RCAN2: variants seen among roughly 807,000 people sequenced by gnomAD.
RCAN2 encodes the protein regulator of calcineurin 2, also known as calcipressin-2.
In RCAN2, 9 loss-of-function variants were observed where a neutral mutation model predicts 23.6. The ratio of observed to expected loss-of-function variants is 0.38; its 90% CI spans 0.23 to 0.67. The LOEUF (loss-of-function observed/expected upper bound fraction) is 0.67, where lower values mean the gene tolerates loss of function less well. Among genes scored for constraint, RCAN2 ranks in the 30% least tolerant of loss-of-function variants. The pLI, the probability that RCAN2 is intolerant of heterozygous loss-of-function variation, is 0.51. For missense variants in RCAN2, 273 were observed against 302.3 expected, an observed-to-expected ratio of 0.90 and a Z score of 0.72; for synonymous variants, 109 against 115.7, an observed-to-expected ratio of 0.94 and a Z score of 0.37.
intron 2 of RCAN2, among the ~76,000 whole-genome samples, chr6:46,273,365 T>C (rs2150334120): frequency 6.6e-6 from 1 of 152,358 alleles, no homozygotes; most frequent in African/African-American, 2.4e-5. Flanking sequence ...AACATTAACA[T>C]TATGGTGTTT....
intron 2 of RCAN2, among the ~76,000 whole-genome samples, chr6:46,382,776 C>T (rs1765644251): frequency 6.6e-6 from 1 of 152,134 alleles, no homozygotes; most frequent in Admixed American, 6.5e-5. Flanking sequence ...AAAGAATACC[C>T]GCATATGGAA....
chr6:46,228,659 C>T (rs1765766580), intron 4 of RCAN2, among the ~76,000 whole-genome samples: 2 of 152,202 alleles, frequency 1.3e-5, no homozygotes, highest in South Asian at 4.1e-4. Context: ...TATTTTGAGC[C>T]TATGTGTGTC....
chr6:46,227,496 T>C, intron 4 of RCAN2, among the ~76,000 whole-genome samples: 1 of 151,724 alleles, frequency 6.6e-6, no homozygotes, highest in Non-Finnish European at 1.5e-5. Context: ...ATTCAACTTC[T>C]TTCTGTTTAA....
At chr6:46,399,534 T>G (rs2150402150) in intron 2 of RCAN2, among the ~76,000 whole-genome samples, 1 of 151,732 alleles carries the variant, frequency 6.6e-6, no homozygotes, top group South Asian at 2.1e-4. Context: ...AAAAATGTAT[T>G]CTTTCACAGT....
chr6:46,282,776 C>T (rs920610508), intron 2 of RCAN2, among the ~76,000 whole-genome samples: 7 of 152,174 alleles, frequency 4.6e-5, no homozygotes, highest in Admixed American at 1.3e-4. Context: ...GCTTTCAGGT[C>T]CTTCCTGGCT....
chr6:46,466,344 G>T (rs76065386), intron 1 of RCAN2, among the ~76,000 whole-genome samples: 1,733 of 152,280 alleles, frequency 0.011, 34 homozygotes, highest in African/African-American at 0.04. Context: ...GGGAGTGAGA[G>T]ATACTGCAGC....
At chr6:46,369,565 T>C (rs1324436684) in intron 2 of RCAN2, among the ~76,000 whole-genome samples, 2 of 152,166 alleles carry the variant, frequency 1.3e-5, no homozygotes, top group Non-Finnish European at 2.9e-5. Context: ...TATAATCTTA[T>C]GGGACCACCG....
intron 2 of RCAN2, among the ~76,000 whole-genome samples, chr6:46,393,011 G>T (rs1765979385): frequency 6.6e-6 from 1 of 152,124 alleles, no homozygotes; most frequent in Admixed American, 6.5e-5. Flanking sequence ...ATAAAGGAAT[G>T]ACATCAGAAT....
At chr6:46,490,686 C>T (rs1769114291) in intron 1 of RCAN2, among the ~76,000 whole-genome samples, 1 of 152,178 alleles carries the variant, frequency 6.6e-6, no homozygotes, top group Admixed American at 6.5e-5. Flanking sequence ...CCCGCTGCAC[C>T]TCAGTGCACC....
rs907756691 is a variant in RCAN2 at position 46,479,536 on chromosome 6, G to T, written c.-3+11637C>A. 4.0e-5 allele frequency among the ~76,000 whole-genome samples: 6 copies of T among 150,590 alleles called. No homozygotes were observed. In the South Asian group the frequency reaches 1.3e-3, roughly 32 times the overall value. ...GAAAACCTCAACACAGGTGTCTTGG[G>T]ATTCAGAATGCTCCCACTACCTGCC... On this transcript the variant is annotated intron_variant, in intron 1 of 4. Transcript: ENST00000371374.
chr6:46,461,255 G>C (rs1156752610), intron 1 of RCAN2, among the ~76,000 whole-genome samples: 1 of 152,116 alleles, frequency 6.6e-6, no homozygotes, highest in Admixed American at 6.5e-5. Flanking sequence ...ATATAATCAA[G>C]AGCAGTTCCC....
At chr6:46,445,736 A>C (rs751058203) in intron 2 of RCAN2, among the ~76,000 whole-genome samples, 12 of 152,218 alleles carry the variant, frequency 7.9e-5, no homozygotes, top group Admixed American at 3.3e-4. Flanking sequence ...TTGAATTATT[A>C]AAAAAATTCT....
intron 2 of RCAN2, among the ~76,000 whole-genome samples, chr6:46,274,888 G>A (rs1252387092): frequency 2.0e-5 from 3 of 152,216 alleles, no homozygotes; most frequent in African/African-American, 4.8e-5. Context: ...CCAGGACAAG[G>A]AAGATGGAGG....
intron 2 of RCAN2, among the ~76,000 whole-genome samples, chr6:46,403,378 G>A (rs1321997287): frequency 6.6e-6 from 1 of 151,908 alleles, no homozygotes; most frequent in African/African-American, 2.4e-5. Context: ...TTCAAGACCA[G>A]CCTGACCAAC....
chr6:46,358,590 A>G (rs1447037861), intron 2 of RCAN2, among the ~76,000 whole-genome samples: 1 of 152,212 alleles, frequency 6.6e-6, no homozygotes, highest in Non-Finnish European at 1.5e-5. Flanking sequence ...ACACTTGATG[A>G]GTGACTCTCA....
At chr6:46,481,884 C>A (rs774126541) in intron 1 of RCAN2, among the ~76,000 whole-genome samples, 1 of 152,026 alleles carries the variant, frequency 6.6e-6, no homozygotes, top group Non-Finnish European at 1.5e-5. Flanking sequence ...TTAGCATAAA[C>A]CAACCCTAGG....
In RCAN2 at chr6:46,424,130, A is replaced by G. The variant is rs568016420; in HGVS notation, c.225+32622T>C. 8.7e-4 allele frequency among the ~76,000 whole-genome samples: 133 copies of G among 152,306 alleles called. 2 individuals are homozygous for G. Among genetic ancestry groups the G allele is most frequent in the African/African-American group, 2.8e-3 (116 of 41,556 alleles). On this transcript the variant is annotated intron_variant, in intron 2 of 4. Coordinates refer to ENST00000371374, the MANE Select transcript of RCAN2 (RefSeq NM_001251974.2). ...TTTCATGAGCCCCTGACAATTTCCAATAAAATAACTGCTCGTACTTACATA... is the reference window on the plus strand; with the variant it reads ...TTTCATGAGCCCCTGACAATTTCCAGTAAAATAACTGCTCGTACTTACATA...
At chr6:46,319,913 C>T (rs1380067218) in intron 2 of RCAN2, among the ~76,000 whole-genome samples, 1 of 152,148 alleles carries the variant, frequency 6.6e-6, no homozygotes, top group Non-Finnish European at 1.5e-5. Context: ...TTTTGTTCTT[C>T]ATAAACCAAA....
intron 2 of RCAN2, chr6:46,325,886 G>A: frequency 1.0e-6 from 1 of 985,154 alleles, no homozygotes; most frequent in Non-Finnish European, 1.2e-6. Context: ...GCTTATGTTT[G>A]CAAAAAGCAG....
Sources: gnomAD v4.1 joint callset for allele counts (sites outside exome capture counted in the v4.1 genomes callset) on GRCh38, gnomAD v4.1.1 for gene constraint, MANE v1.5 for transcripts, NCBI Gene and HGNC (gene_info 2026-07-23, HGNC 2026-07-21) for gene names.